Variants in FRMPD4 observed in about 807,000 individuals in gnomAD.
FRMPD4 encodes the protein FERM and PDZ domain-containing protein 4.
A neutral mutation model predicts 94.1 loss-of-function variants in FRMPD4; 22 were observed. The ratio of observed to expected loss-of-function variants is 0.23; its 90% CI spans 0.17 to 0.33. The LOEUF is 0.33. FRMPD4 is among the 10% of genes least tolerant of loss of function. FRMPD4 has a pLI of 1.00. For synonymous variants in FRMPD4, 631 were observed against 548.6 expected (o/e 1.15, Z -2.10); for missense variants, 1,111 against 1,339.9 (o/e 0.83, Z 2.67).
chrX:12,672,283 C>T (rs193120075), intron 4 of FRMPD4, among the ~76,000 whole-genome samples: 5 of 111,975 alleles, frequency 4.5e-5, no homozygotes, highest in South Asian at 3.8e-4. Context: ...TATTGCAGCC[C>T]GCTTGTGTCA....
In FRMPD4 at chrX:12,274,747, C is replaced by T. The variant is rs1009672966; in HGVS notation, c.41+135735C>T. ...ACAGAAGGCGGGGCGCGGTGGCCCA[C>T]GCCTGTAATCCCAGCACTTTGGGAG... On this transcript the variant is annotated intron_variant, in intron 1 of 16. Transcript: ENST00000675598. Among the ~76,000 whole-genome samples, 97 of 112,593 alleles carry T rather than the reference C, an allele frequency of 8.6e-4. 1 individual carries two copies. The highest frequency in any genetic ancestry group is 1.6e-3 in the Non-Finnish European group (87 of 53,255).
At chrX:12,220,835 C>A (rs1181358572) in intron 1 of FRMPD4, among the ~76,000 whole-genome samples, 2 of 111,772 alleles carry the variant, frequency 1.8e-5, no homozygotes, top group Non-Finnish European at 3.8e-5. Flanking sequence ...TAACTTTATT[C>A]CCAAAAGCCT....
intron 1 of FRMPD4, among the ~76,000 whole-genome samples, chrX:12,258,309 G>A (rs1284078108): frequency 1.8e-5 from 2 of 110,238 alleles, no homozygotes; most frequent in Admixed American, 9.7e-5. Flanking sequence ...CTGGATTAAC[G>A]CCATTATTGT....
At chrX:12,461,565 G>A (rs1020790412) in intron 1 of FRMPD4, among the ~76,000 whole-genome samples, 2 of 112,016 alleles carry the variant, frequency 1.8e-5, no homozygotes, top group Non-Finnish European at 3.8e-5. Flanking sequence ...AATTTGCATG[G>A]AGCACTTCCT....
At chrX:12,455,505 C>T (rs2057324267) in intron 1 of FRMPD4, among the ~76,000 whole-genome samples, 2 of 111,991 alleles carry the variant, frequency 1.8e-5, no homozygotes, top group African/African-American at 6.5e-5. Context: ...AATAAAACAT[C>T]TCCTATGTTC....
intron 7 of FRMPD4, among the ~76,000 whole-genome samples, chrX:12,688,532 T>C (rs980076848): frequency 9.0e-6 from 1 of 111,323 alleles, no homozygotes; most frequent in African/African-American, 3.3e-5. Flanking sequence ...AAAGGAGAAA[T>C]AGTATAGTTA....
At position 11,993,306 on chromosome X, in the gene FRMPD4, G is replaced by A. The variant is rs937600590; in HGVS notation, c.95+115288G>A. The stretch of plus-strand genomic sequence containing the variant: ...GGCCATGAATAGGAATTCTAATTGT[G>A]TCTCCAGTCCTGAGTTTTTCAGCCT... On this transcript the variant is annotated intron_variant, in intron 3 of 18. Coordinates refer to the FRMPD4 transcript ENST00000640291. Among the ~76,000 whole-genome samples the A allele has an allele frequency of 2.7e-5, 3 of 110,939 alleles. No homozygotes were observed. In the Admixed American group the frequency reaches 2.9e-4, roughly 11 times the overall value.
chrX:12,478,304 G>A lies in FRMPD4; in HGVS notation c.42-20376G>A, dbSNP rs759470070. On this transcript the variant is annotated intron_variant, in intron 1 of 16. Coordinates refer to ENST00000675598, the MANE Select transcript of FRMPD4 (RefSeq NM_001368397.1). The stretch of plus-strand genomic sequence containing the variant: ...AAGAAACCAGAGTAGGCCGGGCGTG[G>A]TGGCTCACTCCTGTAATCCCACCCC... Among the ~76,000 whole-genome samples, 16 of 111,763 alleles carry A rather than the reference G, an allele frequency of 1.4e-4. 1 individual carries two copies. The South Asian group carries it at 6.1e-3, about 43-fold the overall frequency.
chrX:12,465,127 T>A (rs2057435569), intron 1 of FRMPD4, among the ~76,000 whole-genome samples: 1 of 111,385 alleles, frequency 9.0e-6, no homozygotes, highest in African/African-American at 3.3e-5. Flanking sequence ...TTCAAGTGAT[T>A]GCCTCTGAAA....
At chrX:12,677,274 C>A (rs189500726) in intron 5 of FRMPD4, among the ~76,000 whole-genome samples, 34 of 111,074 alleles carry the variant, frequency 3.1e-4, no homozygotes, top group African/African-American at 1.1e-3. Flanking sequence ...CACTGTCCCA[C>A]CTAAAGTCTT....
chrX:11,894,531 A>G (rs888310553), intron 3 of FRMPD4, among the ~76,000 whole-genome samples: 7 of 112,401 alleles, frequency 6.2e-5, no homozygotes, highest in African/African-American at 2.3e-4. Flanking sequence ...GCACATTGGA[A>G]TGTCTTGGGG....
intron 2 of FRMPD4, among the ~76,000 whole-genome samples, chrX:12,593,090 C>T (rs749841889): frequency 8.9e-6 from 1 of 111,798 alleles, no homozygotes; most frequent in Admixed American, 9.5e-5. Flanking sequence ...GGATCCATTG[C>T]TTCCTTAATC....
chrX:12,443,585 G>A (rs772028795), intron 1 of FRMPD4, among the ~76,000 whole-genome samples: 42 of 111,469 alleles, frequency 3.8e-4, no homozygotes, highest in African/African-American at 1.3e-3. Flanking sequence ...GTTGTTAATA[G>A]CTGCTAGCTT....
rs768678122 is a variant in FRMPD4 at position 12,004,413 on chromosome X, C to T, written c.95+126395C>T. ...ACATGGCCTTTGATCTGTATCACCA[C>T]ATCTAATCTCCATGCAGCCCACATA... is the stretch of plus-strand genomic sequence containing the variant. On this transcript the variant is annotated intron_variant, in intron 3 of 18. Coordinates refer to the FRMPD4 transcript ENST00000640291. Among the ~76,000 whole-genome samples, 8 of 111,854 alleles carry T rather than the reference C, an allele frequency of 7.2e-5. No homozygotes were observed. The East Asian group carries it at 1.7e-3, about 24-fold the overall frequency.
intron 1 of FRMPD4, among the ~76,000 whole-genome samples, chrX:12,271,343 C>T (rs758347374): frequency 1.8e-5 from 2 of 112,239 alleles, no homozygotes; most frequent in African/African-American, 6.5e-5. Flanking sequence ...AGATATCTTC[C>T]CCACCCCACA....
At chrX:11,957,337 C>T (rs779821027) in intron 3 of FRMPD4, among the ~76,000 whole-genome samples, 101 of 110,995 alleles carry the variant, frequency 9.1e-4, no homozygotes, top group African/African-American at 3.2e-3. Context: ...GCAGGAGGAT[C>T]ACTTGAGCCC....
intron 2 of FRMPD4, among the ~76,000 whole-genome samples, chrX:11,868,953 A>G (rs930140780): frequency 2.7e-5 from 3 of 112,434 alleles, no homozygotes; most frequent in Non-Finnish European, 1.9e-5. Flanking sequence ...GGCCCTTTAC[A>G]GGAAAACTTT....
intron 15 of FRMPD4, 127 bp from the exon 16 acceptor site, chrX:12,717,374 C>T: frequency 1.9e-6 from 1 of 518,281 alleles, no homozygotes; most frequent in Non-Finnish European, 3.2e-6. Flanking sequence ...GCAATAAACT[C>T]AGAGTCCTTA....
intron 2 of FRMPD4, among the ~76,000 whole-genome samples, chrX:12,539,222 A>C (rs1420432366): frequency 4.5e-5 from 5 of 111,955 alleles, no homozygotes; most frequent in Non-Finnish European, 7.5e-5. Context: ...TGAAGCAAGA[A>C]GAGAAGTTTA....
Sources: gnomAD v4.1 joint callset for allele counts (sites outside exome capture counted in the v4.1 genomes callset) on GRCh38, gnomAD v4.1.1 for gene constraint, MANE v1.5 for transcripts, NCBI Gene and HGNC (gene_info 2026-07-23, HGNC 2026-07-21) for gene names.